MAPK10: variants seen among roughly 807,000 people sequenced by gnomAD.
MAPK10 encodes the protein mitogen-activated protein kinase 10.
A neutral mutation model predicts 59.3 loss-of-function variants in MAPK10; 25 were observed. That is an observed-to-expected ratio of 0.42 (90% CI 0.31 to 0.59). The LOEUF is 0.59. MAPK10 is among the 20% of genes least tolerant of loss of function. MAPK10 has a pLI of 0.15. For missense variants in MAPK10, 351 were observed against 568.9 expected, an observed-to-expected ratio of 0.62 and a Z score of 3.90; for synonymous variants, 190 against 200.5, an observed-to-expected ratio of 0.95 and a Z score of 0.44.
chr4:86,095,067 A>G (rs2053978375), intron 9 of MAPK10: 1 of 151,868 alleles, frequency 6.6e-6, no homozygotes, highest in South Asian at 2.1e-4. Flanking sequence ...AAGAAAAATA[A>G]GTATTAAGAA....
At chr4:86,503,020 C>G (rs960504833) in intron 1 of MAPK10, among the ~76,000 whole-genome samples, 8 of 152,018 alleles carry the variant, frequency 5.3e-5, no homozygotes, top group African/African-American at 1.9e-4. Flanking sequence ...CCTCTGGAAT[C>G]TCAAAAGAGG....
intron 1 of MAPK10, among the ~76,000 whole-genome samples, chr4:86,545,612 G>A (rs1759087382): frequency 6.6e-6 from 1 of 152,138 alleles, no homozygotes; most frequent in Non-Finnish European, 1.5e-5. Flanking sequence ...TATTTTTCAT[G>A]GTGGGCAAAT....
At chr4:86,156,817 G>A (rs1055500473) in intron 4 of MAPK10, among the ~76,000 whole-genome samples, 4 of 151,954 alleles carry the variant, frequency 2.6e-5, no homozygotes, top group Non-Finnish European at 5.9e-5. Flanking sequence ...TGAATGAGTT[G>A]CTCTTCTGGA....
At chr4:86,343,893 A>AAT (rs1472360791) in intron 2 of MAPK10, among the ~76,000 whole-genome samples, 3 of 69,942 alleles carry the variant, frequency 4.3e-5, no homozygotes, top group African/African-American at 7.2e-5. Context: ...ATAAAAAGAT[A>AAT]ACTATTTATG....
intron 2 of MAPK10, among the ~76,000 whole-genome samples, chr4:86,232,664 C>T (rs549143483): frequency 3.9e-5 from 5 of 129,028 alleles, no homozygotes; most frequent in Admixed American, 7.2e-5. Flanking sequence ...TGAGCCACCA[C>T]GCCCGGCCTA....
chr4:86,155,424 A>G (rs2067476693), intron 4 of MAPK10, among the ~76,000 whole-genome samples: 1 of 151,632 alleles, frequency 6.6e-6, no homozygotes, highest in African/African-American at 2.4e-5. Context: ...AAACTAACCC[A>G]CCGGATTAAT....
At chr4:86,129,992 T>C (rs1214518643) in intron 4 of MAPK10, among the ~76,000 whole-genome samples, 2 of 152,182 alleles carry the variant, frequency 1.3e-5, no homozygotes, top group Non-Finnish European at 2.9e-5. Flanking sequence ...TATGAATGTG[T>C]GCACATGCGT....
At chr4:86,149,292 A>C (rs901378687) in intron 4 of MAPK10, among the ~76,000 whole-genome samples, 6 of 151,874 alleles carry the variant, frequency 4.0e-5, no homozygotes, top group African/African-American at 1.5e-4. Context: ...TTTTTGATGG[A>C]GTTTCATTCT....
rs541268043 is a variant in MAPK10 at position 86,228,031 on chromosome 4, A to T, written c.-6-33624T>A. Among the ~76,000 whole-genome samples, 9 of 152,268 alleles carry T rather than the reference A, an allele frequency of 5.9e-5. No homozygotes were observed. The South Asian group carries it at 1.9e-3, about 32-fold the overall frequency. On this transcript the variant is annotated intron_variant, in intron 2 of 13. Transcript: ENST00000641462. ...GGTGAGACGAAAGAGCATGGCCCAA[A>T]TCCTTGTTGGCTATTTATTGAAAAG...
intron 11 of MAPK10, among the ~76,000 whole-genome samples, chr4:86,043,905 ATC>A (rs2042048208): frequency 6.6e-6 from 1 of 152,200 alleles, no homozygotes; most frequent in African/African-American, 2.4e-5. Context: ...AGATTTAAAA[ATC>A]TATGAGTTAG....
chr4:86,364,710 G>A (rs62307454), upstream of MAPK10, among the ~76,000 whole-genome samples: 42,307 of 152,080 alleles, frequency 0.28, 6,644 homozygotes, highest in Non-Finnish European at 0.35. Context: ...GTCAGGTGTG[G>A]TGTCTCACAC....
chr4:86,228,013 C>T (rs558788352), intron 2 of MAPK10, among the ~76,000 whole-genome samples: 5 of 151,944 alleles, frequency 3.3e-5, no homozygotes, highest in South Asian at 2.1e-4. Flanking sequence ...GGAGGTGAGA[C>T]GAAAGAGCAT....
chr4:86,296,045 G>A (rs1187832654), intron 2 of MAPK10, among the ~76,000 whole-genome samples: 1 of 151,290 alleles, frequency 6.6e-6, no homozygotes, highest in Non-Finnish European at 1.5e-5. Context: ...GCTTGGTGGT[G>A]GGCATCTGTA....
intron 1 of MAPK10, among the ~76,000 whole-genome samples, chr4:86,469,646 G>A (rs1579321623): frequency 2.0e-5 from 3 of 152,110 alleles, no homozygotes; most frequent in African/African-American, 7.2e-5. Flanking sequence ...ATTTATATAT[G>A]CAAACAAATA....
chr4:86,424,876 G>T (rs897566183), intron 1 of MAPK10, among the ~76,000 whole-genome samples: 1 of 152,132 alleles, frequency 6.6e-6, no homozygotes, highest in Non-Finnish European at 1.5e-5. Context: ...AAGCATAATT[G>T]ACCATAAGAA....
intron 1 of MAPK10, among the ~76,000 whole-genome samples, chr4:86,570,092 A>G (rs1010968998): frequency 1.3e-5 from 2 of 152,192 alleles, no homozygotes; most frequent in Non-Finnish European, 2.9e-5. Context: ...ACAAAACAAA[A>G]CAAAACTTGT....
intron 1 of MAPK10, among the ~76,000 whole-genome samples, chr4:86,405,767 A>T (rs1447410011): frequency 1.3e-5 from 2 of 152,176 alleles, no homozygotes; most frequent in Non-Finnish European, 2.9e-5. Flanking sequence ...AGATTTCCTC[A>T]TCTGTAATAA....
At chr4:86,214,143 A>T (rs1177180687) in intron 2 of MAPK10, among the ~76,000 whole-genome samples, 2 of 152,270 alleles carry the variant, frequency 1.3e-5, no homozygotes, top group East Asian at 3.9e-4. Flanking sequence ...TGATTATTTC[A>T]ATTGATACAG....
chr4:86,323,851 T>A (rs1457741428), intron 2 of MAPK10, among the ~76,000 whole-genome samples: 1 of 152,216 alleles, frequency 6.6e-6, no homozygotes, highest in Non-Finnish European at 1.5e-5. Context: ...AATATTTTAA[T>A]CTAAAGAGAA....
Sources: allele counts gnomAD v4.1 joint callset (sites outside exome capture counted in the v4.1 genomes callset), GRCh38; gene constraint gnomAD v4.1.1; transcripts MANE v1.5; gene names NCBI Gene and HGNC (gene_info 2026-07-23, HGNC 2026-07-21).